PPP3CA: variants seen among roughly 807,000 people sequenced by gnomAD.
The protein encoded by PPP3CA is CAM-PRP catalytic subunit.
Under a neutral mutation model 66.5 loss-of-function variants are expected in PPP3CA, and 14 were observed. The ratio of observed to expected loss-of-function variants is 0.21; its 90% CI spans 0.14 to 0.33. The LOEUF is 0.33. Ranked by LOEUF, PPP3CA falls within the 10% of genes least tolerant of loss-of-function variation. The pLI, the probability that PPP3CA is intolerant of heterozygous loss-of-function variation, is 1.00. For missense variants in PPP3CA, 317 were observed against 639.5 expected, an observed-to-expected ratio of 0.50 and a Z score of 5.44; for synonymous variants, 232 against 226.2, an observed-to-expected ratio of 1.03 and a Z score of -0.23.
chr4:101,110,416 T>G (rs1297129491), intron 2 of PPP3CA, among the ~76,000 whole-genome samples: 2 of 152,198 alleles, frequency 1.3e-5, no homozygotes, highest in Non-Finnish European at 2.9e-5. Flanking sequence ...TGTCAAGAAT[T>G]AGCTACTAAG....
At chr4:101,118,709 C>A (rs1721925893) in intron 2 of PPP3CA, among the ~76,000 whole-genome samples, 1 of 151,912 alleles carries the variant, frequency 6.6e-6, no homozygotes, top group Admixed American at 6.6e-5. Context: ...ATAAGTGATG[C>A]CTTCTTTTTA....
intron 1 of PPP3CA, among the ~76,000 whole-genome samples, chr4:101,269,588 G>A (rs1046552182): frequency 7.8e-6 from 1 of 128,250 alleles, no homozygotes; most frequent in African/African-American, 2.8e-5. Flanking sequence ...GTGTGTGTGT[G>A]TGTGTGTGTG....
intron 1 of PPP3CA, among the ~76,000 whole-genome samples, chr4:101,333,294 T>G (rs1289026204): frequency 4.2e-5 from 5 of 120,158 alleles, no homozygotes; most frequent in East Asian, 4.5e-4. Context: ...TTTTTTTTTT[T>G]TTTTTTTTTT....
At chr4:101,255,555 ATATTT>A (rs1726814364) in intron 1 of PPP3CA, among the ~76,000 whole-genome samples, 1 of 148,718 alleles carries the variant, frequency 6.7e-6, no homozygotes, top group African/African-American at 2.5e-5. Flanking sequence ...ATATTTTATT[ATATTT>A]ATCACATTCT....
At chr4:101,193,789 T>A (rs747688949) in intron 2 of PPP3CA, among the ~76,000 whole-genome samples, 289 of 152,142 alleles carry the variant, frequency 1.9e-3, no homozygotes, top group East Asian at 0.014. Context: ...ATTTTAACTT[T>A]AAAAAATGCT....
intron 2 of PPP3CA, among the ~76,000 whole-genome samples, chr4:101,113,797 C>A (rs1721754370): frequency 6.6e-6 from 1 of 152,146 alleles, no homozygotes; most frequent in South Asian, 2.1e-4. Flanking sequence ...TGGTCCCCAT[C>A]CTCCATCTTC....
intron 1 of PPP3CA, among the ~76,000 whole-genome samples, chr4:101,240,023 T>G (rs1726251266): frequency 7.0e-6 from 1 of 143,086 alleles, no homozygotes; most frequent in Non-Finnish European, 1.5e-5. Context: ...AGTTTTTAAT[T>G]TTTTTGGTTT....
intron 2 of PPP3CA, among the ~76,000 whole-genome samples, chr4:101,152,794 C>A (rs911891441): frequency 6.6e-6 from 1 of 151,884 alleles, no homozygotes; most frequent in Non-Finnish European, 1.5e-5. Context: ...AACATATATT[C>A]TAGAAAGATC....
intron 1 of PPP3CA, among the ~76,000 whole-genome samples, chr4:101,230,049 GT>G (rs1335130561): frequency 2.0e-5 from 3 of 151,630 alleles, no homozygotes; most frequent in African/African-American, 4.8e-5. Context: ...ATTAAAAAAT[GT>G]TTTTTGTTTA....
At chr4:101,211,355 G>T (rs900508217) in intron 1 of PPP3CA, among the ~76,000 whole-genome samples, 1 of 152,142 alleles carries the variant, frequency 6.6e-6, no homozygotes, top group Non-Finnish European at 1.5e-5. Flanking sequence ...CCTACCCAGA[G>T]TGATGGACAT....
chr4:101,344,346 G>A (rs1729912021), intron 1 of PPP3CA, among the ~76,000 whole-genome samples: 1 of 152,102 alleles, frequency 6.6e-6, no homozygotes, highest in Non-Finnish European at 1.5e-5. Flanking sequence ...AAAATCTTAT[G>A]TATGACAAAA....
intron 1 of PPP3CA, among the ~76,000 whole-genome samples, chr4:101,314,358 A>T (rs1334990742): frequency 3.3e-5 from 5 of 151,910 alleles, no homozygotes; most frequent in African/African-American, 1.2e-4. Flanking sequence ...AGGTCAGGAG[A>T]TCAAGACCAT....
intron 1 of PPP3CA, among the ~76,000 whole-genome samples, chr4:101,280,476 TTGTATATA>T (rs1444755818): frequency 6.6e-6 from 1 of 152,114 alleles, no homozygotes; most frequent in Non-Finnish European, 1.5e-5. Flanking sequence ...AGCAGGTATT[TTGTATATA>T]TGAGACTAGA....
chr4:101,124,729 A>AGAG (rs1722170301), intron 2 of PPP3CA, among the ~76,000 whole-genome samples: 5 of 54,304 alleles, frequency 9.2e-5, no homozygotes, highest in Admixed American at 9.1e-4. Context: ...AAGAAAGAGA[A>AGAG]AGAAAGAAAG....
chr4:101,069,316 A>G (rs1264124654), intron 8 of PPP3CA, among the ~76,000 whole-genome samples: 2 of 152,178 alleles, frequency 1.3e-5, no homozygotes, highest in African/African-American at 4.8e-5. Context: ...AAGGACACAG[A>G]TATATGTTAC....
Position 101,314,680 on chromosome 4 carries a change from T to C in PPP3CA, c.58+32059A>G, listed in dbSNP as rs145741262. ...CAATACCTCTCACTCCATCTGATCT[T>C]AAATAATTTAATGAAAAATATCTAC... On this transcript the variant is annotated intron_variant, in intron 1 of 13. Transcript: ENST00000394854. Among the ~76,000 whole-genome samples the C allele has an allele frequency of 9.9e-4, 150 of 152,092 alleles. 2 individuals carry two copies. The highest frequency in any genetic ancestry group is 3.4e-3 in the African/African-American group (141 of 41,518).
intron 6 of PPP3CA, among the ~76,000 whole-genome samples, chr4:101,091,731 C>T (rs750166811): frequency 2.6e-5 from 4 of 151,360 alleles, no homozygotes; most frequent in Non-Finnish European, 2.9e-5. Context: ...ATGTATTTTA[C>T]AGAATTCTTC....
At chr4:101,304,653 T>C (rs1400520775) in intron 1 of PPP3CA, among the ~76,000 whole-genome samples, 2 of 152,156 alleles carry the variant, frequency 1.3e-5, no homozygotes, top group Non-Finnish European at 2.9e-5. Context: ...AGAATTACAT[T>C]CAAAAATGAA....
chr4:101,131,277 TA>T (rs1553927202), intron 2 of PPP3CA, among the ~76,000 whole-genome samples: 2 of 140,260 alleles, frequency 1.4e-5, no homozygotes, highest in African/African-American at 5.3e-5. Flanking sequence ...AATAAATAAA[TA>T]AAATAAAAAG....
Sources: gnomAD v4.1 joint callset for allele counts (sites outside exome capture counted in the v4.1 genomes callset) on GRCh38, gnomAD v4.1.1 for gene constraint, MANE v1.5 for transcripts, NCBI Gene and HGNC (gene_info 2026-07-23, HGNC 2026-07-21) for gene names.